The following DLC1 variants were observed in gnomAD, a reference collection of about 807,000 sequenced individuals.
DLC1 encodes DLC1 Rho GTPase activating protein.
A neutral mutation model predicts 140.3 loss-of-function variants in DLC1; 54 were observed. The observed-to-expected ratio is 0.38, with a 90% confidence interval of 0.31 to 0.48. The LOEUF is 0.48. DLC1 is among the 20% of genes least tolerant of loss of function. The probability of loss-of-function intolerance (pLI) is 0.96; values close to 1 mark genes in which losing one functional copy is unlikely to be tolerated. For synonymous variants in DLC1, 986 were observed against 728.1 expected, an observed-to-expected ratio of 1.35 and a Z score of -5.70; for missense variants, 2,536 against 1,907.0, an observed-to-expected ratio of 1.33 and a Z score of -6.14.
chr8:13,122,623 C>T (rs1821191747), intron 5 of DLC1, among the ~76,000 whole-genome samples: 1 of 152,056 alleles, frequency 6.6e-6, no homozygotes, highest in South Asian at 2.1e-4. Context: ...GACTGGTTAT[C>T]AGGAGTTATC....
chr8:13,214,903 G>C, intron 5 of DLC1: 1 of 659,842 alleles, frequency 1.5e-6, no homozygotes, highest in Non-Finnish European at 2.7e-6. Flanking sequence ...CCATGACTGG[G>C]AATAAGATAT....
At chr8:13,361,288 G>A (rs150702438) in intron 4 of DLC1, among the ~76,000 whole-genome samples, 204 of 152,124 alleles carry the variant, frequency 1.3e-3, no homozygotes, top group African/African-American at 3.3e-3. Context: ...TTACCCTGTC[G>A]TGCAGGCTGG....
At chr8:13,182,203 A>G (rs1281878998) in intron 5 of DLC1, among the ~76,000 whole-genome samples, 2 of 150,814 alleles carry the variant, frequency 1.3e-5, no homozygotes, top group Non-Finnish European at 3.0e-5. Flanking sequence ...TTTTTCATGT[A>G]AATTGGTTTG....
intron 5 of DLC1, among the ~76,000 whole-genome samples, chr8:13,193,417 AAGTAGGACTT>A (rs1826870863): frequency 1.3e-5 from 2 of 152,136 alleles, no homozygotes; most frequent in South Asian, 4.1e-4. Flanking sequence ...GTTATTTCTA[AAGTAGGACTT>A]AGTAGGAATC....
intron 2 of DLC1, among the ~76,000 whole-genome samples, chr8:13,451,123 T>C (rs936890433): frequency 2.2e-5 from 2 of 90,666 alleles, no homozygotes; most frequent in Non-Finnish European, 4.7e-5. Context: ...AACAACGAAA[T>C]AAAGTAAGAG....
At position 13,095,259 on chromosome 8, in the gene DLC1, C is replaced by A; in HGVS notation, c.3168-14G>T. 6.2e-7 allele frequency: 1 copy of A among 1,614,168 alleles called. No individual in the cohort carries two copies. The highest frequency in any genetic ancestry group is 8.5e-7 in the Non-Finnish European group (1 of 1,179,998). ...TTGGGCACGGCCCTGTTAAAGAACA[C>A]AGAGATGGTGGTGTTGGCGGAGACA... On this transcript the variant is annotated splice_polypyrimidine_tract_variant and intron_variant, in intron 10 of 17. Coordinates refer to ENST00000276297, the MANE Select transcript of DLC1 (RefSeq NM_182643.3).
chr8:13,102,021 G>A (rs1019614722), intron 8 of DLC1, among the ~76,000 whole-genome samples: 5 of 152,154 alleles, frequency 3.3e-5, no homozygotes, highest in African/African-American at 1.2e-4. Flanking sequence ...CTCAGTGGGC[G>A]CTGAGGTTCC....
At chr8:13,229,559 T>C (rs192027273) in intron 5 of DLC1, among the ~76,000 whole-genome samples, 3 of 152,060 alleles carry the variant, frequency 2.0e-5, no homozygotes, top group Admixed American at 2.0e-4. Context: ...ATTGTGTACT[T>C]GAAATAGGTG....
chr8:13,546,733 A>G (rs2062068), intron 1 of DLC1, among the ~76,000 whole-genome samples: 62,377 of 151,954 alleles, frequency 0.41, 13,228 homozygotes, highest in Admixed American at 0.54. Context: ...AACAAGCTCA[A>G]TGTCTTAGTA....
chr8:13,526,047 C>T (rs1044514225), intron 1 of DLC1, among the ~76,000 whole-genome samples: 1 of 152,126 alleles, frequency 6.6e-6, no homozygotes, highest in East Asian at 1.9e-4. Context: ...TATGGACATG[C>T]AATTGTTCCA....
At chr8:13,130,804 T>G (rs1208245927) in intron 5 of DLC1, among the ~76,000 whole-genome samples, 1 of 152,214 alleles carries the variant, frequency 6.6e-6, no homozygotes, top group Non-Finnish European at 1.5e-5. Flanking sequence ...TCCAGGCTGT[T>G]TGGTGTCTGG....
chr8:13,474,057 G>T (rs565445661), intron 2 of DLC1, among the ~76,000 whole-genome samples: 1 of 152,212 alleles, frequency 6.6e-6, no homozygotes, highest in Non-Finnish European at 1.5e-5. Flanking sequence ...AATGTCTCCA[G>T]GGCATGTCAC....
intron 5 of DLC1, among the ~76,000 whole-genome samples, chr8:13,257,395 C>A (rs991893768): frequency 3.4e-5 from 5 of 146,494 alleles, no homozygotes; most frequent in Non-Finnish European, 3.0e-5. Context: ...CATGATCATA[C>A]CACTGCACAG....
chr8:13,290,376 T>A (rs1454750055), intron 5 of DLC1, among the ~76,000 whole-genome samples: 1 of 152,180 alleles, frequency 6.6e-6, no homozygotes, highest in East Asian at 1.9e-4. Context: ...CCTGGAGGCA[T>A]CCAGGAATCT....
chr8:13,213,158 T>A (rs1187607368), intron 5 of DLC1, among the ~76,000 whole-genome samples: 1 of 152,134 alleles, frequency 6.6e-6, no homozygotes, highest in African/African-American at 2.4e-5. Flanking sequence ...TATACACAGA[T>A]AAGGAATTTA....
intron 1 of DLC1, among the ~76,000 whole-genome samples, chr8:13,522,867 C>A (rs1182184364): frequency 6.6e-6 from 1 of 151,806 alleles, no homozygotes; most frequent in Non-Finnish European, 1.5e-5. Context: ...GAGAGATGAC[C>A]ATATAGATAT....
intron 5 of DLC1, among the ~76,000 whole-genome samples, chr8:13,218,344 G>A (rs2410041): frequency 0.034 from 5,130 of 152,264 alleles, 293 homozygotes; most frequent in African/African-American, 0.12. Context: ...TGCTGTCTTA[G>A]ATATGACACC....
At chr8:13,143,416 G>A (rs1036080248) in intron 5 of DLC1, among the ~76,000 whole-genome samples, 7 of 152,130 alleles carry the variant, frequency 4.6e-5, no homozygotes, top group African/African-American at 7.2e-5. Flanking sequence ...ATGTGATTTT[G>A]TGTTACTTCC....
chr8:13,576,633 G>A (rs1234556848), intron 1 of DLC1, among the ~76,000 whole-genome samples: 1 of 152,140 alleles, frequency 6.6e-6, no homozygotes, highest in Non-Finnish European at 1.5e-5. Flanking sequence ...TTTAACTGGT[G>A]TGCAGGGCCT....
Sources: gnomAD v4.1 joint callset for allele counts (sites outside exome capture counted in the v4.1 genomes callset) on GRCh38, gnomAD v4.1.1 for gene constraint, MANE v1.5 for transcripts, NCBI Gene and HGNC (gene_info 2026-07-23, HGNC 2026-07-21) for gene names.